The following LCORL variants were observed in gnomAD, a reference collection of about 807,000 sequenced individuals.
LCORL encodes ligand-dependent nuclear receptor corepressor-like protein.
In LCORL, 41 loss-of-function variants were observed where a neutral mutation model predicts 141.8. The ratio of observed to expected loss-of-function variants is 0.29; its 90% CI spans 0.23 to 0.38. The LOEUF is 0.38. Ranked by LOEUF, LCORL falls within the 10% of genes least tolerant of loss-of-function variation. LCORL has a pLI of 1.00. For synonymous variants in LCORL, 618 were observed against 694.1 expected, an observed-to-expected ratio of 0.89 and a Z score of 1.72; for missense variants, 1,759 against 2,035.0, an observed-to-expected ratio of 0.86 and a Z score of 2.61.
chr4:17,931,079 T>C (rs1429229371), intron 4 of LCORL, among the ~76,000 whole-genome samples: 1 of 152,174 alleles, frequency 6.6e-6, no homozygotes, highest in East Asian at 1.9e-4. Context: ...AAAGAAATAA[T>C]CCATTTCACT....
intron 6 of LCORL, among the ~76,000 whole-genome samples, chr4:17,885,464 A>G (rs1375830799): frequency 6.6e-6 from 1 of 151,980 alleles, no homozygotes; most frequent in Non-Finnish European, 1.5e-5. Flanking sequence ...GTGACAAAAA[A>G]GCTTCCTATG....
chr4:18,019,200 G>A (rs1199382305), intron 1 of LCORL, among the ~76,000 whole-genome samples: 3 of 152,196 alleles, frequency 2.0e-5, no homozygotes, highest in Non-Finnish European at 4.4e-5. Context: ...TTATCTGGGC[G>A]TGGTGGCGGA....
chr4:17,996,841 C>T (rs1272474128), intron 1 of LCORL, among the ~76,000 whole-genome samples: 1 of 152,078 alleles, frequency 6.6e-6, no homozygotes, highest in Non-Finnish European at 1.5e-5. Flanking sequence ...ATTGTTCTAA[C>T]CAACTTTTAC....
chr4:17,983,334 G>C (rs1321507806), intron 1 of LCORL, among the ~76,000 whole-genome samples: 16 of 152,202 alleles, frequency 1.1e-4, no homozygotes, highest in Admixed American at 1.0e-3. Flanking sequence ...AAATAGCAGT[G>C]AATCTATAAA....
intron 7 of LCORL, among the ~76,000 whole-genome samples, chr4:17,855,942 TA>T (rs1169742515): frequency 6.6e-6 from 1 of 152,228 alleles, no homozygotes; most frequent in Non-Finnish European, 1.5e-5. Context: ...CCATGATGCT[TA>T]AAAAAGTACA....
chr4:18,020,328 A>T (rs1375956458), intron 1 of LCORL, among the ~76,000 whole-genome samples: 1 of 152,006 alleles, frequency 6.6e-6, no homozygotes, highest in Non-Finnish European at 1.5e-5. Context: ...TTCTTAAGAC[A>T]CTAGGGTTAC....
intron 7 of LCORL, among the ~76,000 whole-genome samples, 168 bp from the exon 8 acceptor site, chr4:17,846,069 C>G (rs1010871623): frequency 3.3e-5 from 5 of 152,096 alleles, no homozygotes; most frequent in Admixed American, 2.0e-4. Flanking sequence ...ACTTACTGAA[C>G]TAAATACAAT....
intron 1 of LCORL, among the ~76,000 whole-genome samples, chr4:17,986,070 G>T (rs944653235): frequency 6.6e-6 from 1 of 152,174 alleles, no homozygotes; most frequent in African/African-American, 2.4e-5. Flanking sequence ...TGTTATTTAA[G>T]AATGTTGAGT....
rs1725619146 is a variant in LCORL, at chr4:18,021,686, AGCGGCGGCGGCGGCGGCGGCAGCAGCG to A, written c.39_65del (p.Ala14_Ala22del). The A allele has an allele frequency of 6.5e-7, 1 of 1,533,494 alleles. No homozygotes were observed. Among genetic ancestry groups the A allele is most frequent in the South Asian group, 1.2e-5 (1 of 82,734 alleles). 95.0% of individuals were successfully genotyped at this position (1,533,494 alleles called of 1,614,324 possible). Reference sequence around the variant, plus strand: ...CCGCGCACCGAGGGCTCCGGCACTGAGCGGCGGCGGCGGCGGCGGCAGCAGCGGCGGCGGCAGCGGCCATTCTCTCTC... The same window carrying A: ...CCGCGCACCGAGGGCTCCGGCACTGAGCGGCGGCAGCGGCCATTCTCTCTC... On this transcript the variant is annotated inframe_deletion, in exon 1 of 8. Transcript: ENST00000635767. This position sits in a 1 kb window ranked among gnomAD's most constrained non-coding sequence, Gnocchi z 5.5.
chr4:17,922,973 C>T (rs141312490), intron 4 of LCORL, among the ~76,000 whole-genome samples: 5 of 152,284 alleles, frequency 3.3e-5, no homozygotes, highest in South Asian at 4.1e-4. Context: ...GATGGCCCCC[C>T]CAAGGCAGCT....
At chr4:17,916,396 G>C (rs538626660) in intron 4 of LCORL, among the ~76,000 whole-genome samples, 1 of 152,252 alleles carries the variant, frequency 6.6e-6, no homozygotes, top group African/African-American at 2.4e-5. Context: ...GATCCCTCAT[G>C]AATGACTTAG....
At chr4:17,851,334 T>C (rs1723679587) in intron 7 of LCORL, among the ~76,000 whole-genome samples, 1 of 152,108 alleles carries the variant, frequency 6.6e-6, no homozygotes, top group Non-Finnish European at 1.5e-5. Context: ...CTATCGGTGC[T>C]CCAAGCCCCT....
chr4:17,951,065 C>T lies in LCORL; in HGVS notation c.430+10838G>A, dbSNP rs921654339. On this transcript the variant is annotated intron_variant, in intron 4 of 7. Transcript: ENST00000635767. ...GGATGAACCTCAGGCATCTATTTCA[C>T]TACACCAGTTCACTCTGGCTTAACT... is the stretch of plus-strand genomic sequence containing the variant. Among the ~76,000 whole-genome samples, 4 of 152,314 alleles carry T rather than the reference C, an allele frequency of 2.6e-5. No homozygotes were observed. In the East Asian group the frequency reaches 5.8e-4, roughly 22 times the overall value.
At chr4:17,909,016 G>A in intron 5 of LCORL, 78 bp downstream of exon 5, 1 of 1,269,548 alleles carries the variant, frequency 7.9e-7, no homozygotes, top group Non-Finnish European at 1.1e-6. Context: ...ATTTCCCTAT[G>A]AATATAAAAA....
intron 5 of LCORL, among the ~76,000 whole-genome samples, chr4:17,902,578 T>C (rs374022994): frequency 3.3e-5 from 5 of 152,138 alleles, no homozygotes; most frequent in Non-Finnish European, 7.4e-5. Context: ...ATAAACCACA[T>C]AATTAAGCAT....
intron 1 of LCORL, among the ~76,000 whole-genome samples, chr4:17,979,029 T>C (rs548698927): frequency 3.5e-3 from 533 of 152,304 alleles, no homozygotes; most frequent in South Asian, 0.019. Flanking sequence ...GTATATCTCC[T>C]AATGCTATCC....
chr4:17,863,382 A>G (rs1190303134), intron 7 of LCORL, among the ~76,000 whole-genome samples: 3 of 152,228 alleles, frequency 2.0e-5, no homozygotes, highest in Non-Finnish European at 4.4e-5. Context: ...TTCACACAGC[A>G]TATGAAAAAA....
chr4:17,871,097 A>C (rs1035877873), intron 7 of LCORL, among the ~76,000 whole-genome samples: 39 of 152,110 alleles, frequency 2.6e-4, no homozygotes, highest in African/African-American at 8.9e-4. Flanking sequence ...AAAACTAATA[A>C]TGAGTTTTAG....
At chr4:17,906,055 T>C (rs980617300) in intron 5 of LCORL, among the ~76,000 whole-genome samples, 1 of 152,196 alleles carries the variant, frequency 6.6e-6, no homozygotes, top group Non-Finnish European at 1.5e-5. Context: ...TCATCATGAT[T>C]AGCAAGACAT....
Sources: allele counts gnomAD v4.1 joint callset (sites outside exome capture counted in the v4.1 genomes callset), GRCh38; gene constraint gnomAD v4.1.1; non-coding constraint Gnocchi (gnomAD v3.1); transcripts MANE v1.5; gene names NCBI Gene and HGNC (gene_info 2026-07-23, HGNC 2026-07-21).